The following RAMP2 variants were observed in gnomAD, a reference collection of about 807,000 sequenced individuals.
RAMP2 encodes the protein receptor activity-modifying protein 2.
In RAMP2, 11 loss-of-function variants were observed where a neutral mutation model predicts 18.2. The observed-to-expected ratio is 0.60, with a 90% CI of 0.38 to 1.00. The LOEUF is 1.00. Among genes scored for constraint, RAMP2 ranks in the 50% least tolerant of loss-of-function variants. The pLI, the probability that RAMP2 is intolerant of heterozygous loss-of-function variation, is 0.01. For missense variants in RAMP2, 191 were observed against 226.5 expected (o/e 0.84, Z 1.01); for synonymous variants, 86 against 90.8 (o/e 0.95, Z 0.30).
chr17:42,762,212 C>A, intron 2 of RAMP2, 143 bp from the exon 3 acceptor site: 1 of 1,269,342 alleles, frequency 7.9e-7, no homozygotes, highest in African/African-American at 1.5e-5. Context: ...GGGACTCTGT[C>A]CTCAGCCAGA....
At chr17:42,762,043 G>A in intron 2 of RAMP2, 144 bp downstream of exon 2, 1 of 914,036 alleles carries the variant, frequency 1.1e-6, no homozygotes, top group Non-Finnish European at 1.7e-6. Flanking sequence ...GTTCCTCGTG[G>A]TCTTTCTCCC....
chr17:42,762,945 TC>T lies in RAMP2; in HGVS notation c.*97del. On this transcript the variant is annotated 3_prime_UTR_variant, in exon 4 of 4. Transcript: ENST00000253796. ...CTCCTACTCCCTTTTCTCACTCTCA[TC>T]CCCACCACAGATCCCTGGATTGCTG... 3.0e-6 allele frequency: 4 copies of T among 1,343,506 alleles called. No individual in the cohort carries two copies. Among genetic ancestry groups the T allele is most frequent in the Non-Finnish European group, 3.0e-6 (3 of 991,484 alleles). The allele number at this position is 1,343,506 out of a possible 1,614,324, so 83.2% of individuals were successfully genotyped here. A position where few individuals can be genotyped will look rare whatever the true frequency, so the allele number is the denominator to read the frequency against.
Position 42,761,929 on chromosome 17 carries a change from G to T in RAMP2, c.163+30G>T. The stretch of plus-strand genomic sequence containing the variant: ...GTACCCAGGGTGTGGAAGGGTGGCC[G>T]AGGGTAAGGACGAGAGCAAGTTCAG... On this transcript the variant is annotated intron_variant, in intron 2 of 3. Coordinates refer to ENST00000253796, the MANE Select transcript of RAMP2 (RefSeq NM_005854.3). The surrounding 1 kb of genome is among the most constrained non-coding windows in gnomAD (Gnocchi z 4.2). The T allele has an allele frequency of 2.0e-6, 3 of 1,526,654 alleles. No homozygotes were observed. Among genetic ancestry groups the T allele is most frequent in the Non-Finnish European group, 1.8e-6 (2 of 1,104,404 alleles). The allele number at this position is 1,526,654 out of a possible 1,614,324, so 94.6% of individuals were successfully genotyped here.
chr17:42,762,775 A>G lies in RAMP2; in HGVS notation c.451A>G (p.Ile151Val). The change falls in exon 4 of 4, where the codon ATA (isoleucine) becomes GTA (valine). Residue 151 changes from isoleucine to valine, a missense_variant. Ile to Val is a conservative substitution (Grantham distance 29). Transcript: ENST00000253796. ...PPEDVLLAMI[I>V]APICLIPFLI... is the part of the protein sequence containing the mutation. ...AGAGGATGTACTCCTGGCCATGATCATAGCCCCCATCTGCCTCATCCCCTT... is the reference window on the plus strand; with the variant it reads ...AGAGGATGTACTCCTGGCCATGATCGTAGCCCCCATCTGCCTCATCCCCTT... 1 of 1,614,020 alleles carries G rather than the reference A, an allele frequency of 6.2e-7. No homozygotes were observed.
chr17:42,761,818 C>G lies in RAMP2; in HGVS notation c.98-16C>G. On this transcript the variant is annotated splice_polypyrimidine_tract_variant and intron_variant, in intron 1 of 3. Transcript: ENST00000253796. The surrounding 1 kb of genome is among the most constrained non-coding windows in gnomAD (Gnocchi z 4.2). ...GTCCCCGCTATGTTACCCTCCTCTC[C>G]CGTTTCTTCCCACAGCTGTCCTGAA... 6.4e-7 allele frequency: 1 copy of G among 1,563,152 alleles called. No individual in the cohort carries two copies. The highest frequency in any genetic ancestry group is 2.2e-5 in the East Asian group (1 of 44,592).
At chr17:42,762,299 G>T in intron 2 of RAMP2, 56 bp from the exon 3 acceptor site, 1 of 1,611,502 alleles carries the variant, frequency 6.2e-7, no homozygotes, top group Non-Finnish European at 8.5e-7. Context: ...ACCTGGGCAG[G>T]AGGGTTTGTA....
Position 42,761,830 on chromosome 17 carries a change from A to C in RAMP2, c.98-4A>C. 6 of 1,576,040 alleles carry C rather than the reference A, an allele frequency of 3.8e-6. No individual in the cohort carries two copies. Among genetic ancestry groups the C allele is most frequent in the Non-Finnish European group, 5.2e-6 (6 of 1,145,824 alleles). ...TTACCCTCCTCTCCCGTTTCTTCCC[A>C]CAGCTGTCCTGAATCCCCACGAGGC... On this transcript the variant is annotated splice_region_variant and splice_polypyrimidine_tract_variant and intron_variant, in intron 1 of 3. Coordinates refer to ENST00000253796, the MANE Select transcript of RAMP2 (RefSeq NM_005854.3). The surrounding 1 kb of genome is among the most constrained non-coding windows in gnomAD (Gnocchi z 4.2).
At position 42,762,902 on chromosome 17, in the gene RAMP2, C is replaced by T. The variant is rs1417500229; in HGVS notation, c.*50C>T. ...ATGTTACTCCACTTCCCCACCCCCA[C>T]CAGGCCTCCCTCCTCCCCTCCTACT... is the stretch of plus-strand genomic sequence containing the variant. On this transcript the variant is annotated 3_prime_UTR_variant, in exon 4 of 4. Transcript: ENST00000253796. 4.6e-6 allele frequency: 7 copies of T among 1,514,092 alleles called. No homozygotes were observed. The highest frequency in any genetic ancestry group is 6.3e-6 in the Non-Finnish European group (7 of 1,117,044). 93.8% of individuals were successfully genotyped at this position (1,514,092 alleles called of 1,614,324 possible).
rs1568019717 is a variant in RAMP2 at position 42,761,766 on chromosome 17, A to G, written c.98-68A>G. 1.5e-6 allele frequency: 2 copies of G among 1,370,086 alleles called. No homozygotes were observed. Among genetic ancestry groups the G allele is most frequent in the Non-Finnish European group, 2.1e-6 (2 of 963,588 alleles). 84.9% of individuals were successfully genotyped at this position (1,370,086 alleles called of 1,614,324 possible). A position where few individuals can be genotyped will look rare whatever the true frequency, so the allele number is the denominator to read the frequency against. On this transcript the variant is annotated intron_variant, in intron 1 of 3. Transcript: ENST00000253796. This position sits in a 1 kb window ranked among gnomAD's most constrained non-coding sequence, Gnocchi z 4.2. ...ATTTTCGGAGGGTCTCAGTCCCCCA[A>G]CCCCCCTCGCAGGCTCCACTGCCGG...
chr17:42,762,317 G>GT, intron 2 of RAMP2, 38 bp from the exon 3 acceptor site: 1 of 1,613,708 alleles, frequency 6.2e-7, no homozygotes, highest in Non-Finnish European at 8.5e-7. Flanking sequence ...GTAGGGAGGG[G>GT]TAGGGGTGTG....
rs938791661 is a variant in RAMP2 at position 42,761,693 on chromosome 17, G to A, written c.98-141G>A. Reference sequence around the variant, plus strand: ...CCAGCCCCTCCCTCCCCGGCACTGAGGCGTCCGTGGGGGCTAGATTATTCC... The same window carrying A: ...CCAGCCCCTCCCTCCCCGGCACTGAAGCGTCCGTGGGGGCTAGATTATTCC... On this transcript the variant is annotated intron_variant, in intron 1 of 3. Coordinates refer to ENST00000253796, the MANE Select transcript of RAMP2 (RefSeq NM_005854.3). The surrounding 1 kb of genome is among the most constrained non-coding windows in gnomAD (Gnocchi z 4.2). 5.6e-5 allele frequency: 41 copies of A among 731,982 alleles called. No individual in the cohort carries two copies. The Middle Eastern group carries it at 9.4e-4, about 17-fold the overall frequency. The allele number at this position is 731,982 out of a possible 1,614,324, so 45.3% of individuals were successfully genotyped here. A position where few individuals can be genotyped will look rare whatever the true frequency, so the allele number is the denominator to read the frequency against.
At position 42,761,420 on chromosome 17, in the gene RAMP2, G is replaced by T; in HGVS notation, c.97+62G>T. 1 of 1,218,836 alleles carries T rather than the reference G, an allele frequency of 8.2e-7. No individual in the cohort carries two copies. Among genetic ancestry groups the T allele is most frequent in the African/African-American group, 1.6e-5 (1 of 62,468 alleles). The allele number at this position is 1,218,836 out of a possible 1,614,324, so 75.5% of individuals were successfully genotyped here. On this transcript the variant is annotated intron_variant, in intron 1 of 3. Transcript: ENST00000253796. This position sits in a 1 kb window ranked among gnomAD's most constrained non-coding sequence, Gnocchi z 4.2. The stretch of plus-strand genomic sequence containing the variant: ...GAGAGGCCCCGGAGGGGAGAGGGGA[G>T]AGGGGAGAGGGGCTGGATGGCCGAG...
Position 42,761,319 on chromosome 17 carries a change from G to C in RAMP2, c.58G>C (p.Gly20Arg), listed in dbSNP as rs112384377. ...GGPRLPRTRVGRPAALRLLLL... is the reference protein window; with the variant it reads ...GGPRLPRTRVRRPAALRLLLL... ...CCCGCGTCTCCCTAGGACCCGAGTC[G>C]GGCGGCCGGCAGCGCTCCGCCTCCT... Residue 20 changes from glycine (G) to arginine (R), a missense_variant, in exon 1 of 4, where the codon GGG becomes CGG. Physicochemically the swap from Gly to Arg is moderately radical, Grantham distance 125. Coordinates refer to ENST00000253796, the MANE Select transcript of RAMP2 (RefSeq NM_005854.3). The surrounding 1 kb of genome is among the most constrained non-coding windows in gnomAD (Gnocchi z 4.2). 4.7e-5 allele frequency: 61 copies of C among 1,289,676 alleles called. No homozygotes were observed. Among genetic ancestry groups the C allele is most frequent in the Non-Finnish European group, 5.9e-5 (60 of 1,016,046 alleles). The allele number at this position is 1,289,676 out of a possible 1,614,324, so 79.9% of individuals were successfully genotyped here. A position where few individuals can be genotyped will look rare whatever the true frequency, so the allele number is the denominator to read the frequency against.
At position 42,761,821 on chromosome 17, in the gene RAMP2, T is replaced by G; in HGVS notation, c.98-13T>G. 6.4e-7 allele frequency: 1 copy of G among 1,567,442 alleles called. No individual in the cohort carries two copies. On this transcript the variant is annotated splice_polypyrimidine_tract_variant and intron_variant, in intron 1 of 3. Coordinates refer to ENST00000253796, the MANE Select transcript of RAMP2 (RefSeq NM_005854.3). The surrounding 1 kb of genome is among the most constrained non-coding windows in gnomAD (Gnocchi z 4.2). ...CCCGCTATGTTACCCTCCTCTCCCG[T>G]TTCTTCCCACAGCTGTCCTGAATCC...
intron 3 of RAMP2, 33 bp from the exon 4 acceptor site, chr17:42,762,564 C>T (rs1259310385): frequency 6.2e-7 from 1 of 1,603,446 alleles, no homozygotes. Context: ...TGGGTCCACC[C>T]CCTCTCTCAC....
In RAMP2 at chr17:42,761,463, G is replaced by A; in HGVS notation, c.97+105G>A. On this transcript the variant is annotated intron_variant, in intron 1 of 3. Coordinates refer to ENST00000253796, the MANE Select transcript of RAMP2 (RefSeq NM_005854.3). The surrounding 1 kb of genome is among the most constrained non-coding windows in gnomAD (Gnocchi z 4.2). ...TGGCCGAGGCCGGAACGGGCCCTGG[G>A]GTGCGGGTTAGGACCGACGTACCTA... 9.9e-7 allele frequency: 1 copy of A among 1,012,484 alleles called. No homozygotes were observed. The allele number at this position is 1,012,484 out of a possible 1,614,324, so 62.7% of individuals were successfully genotyped here.
chr17:42,762,801 C>T lies in RAMP2; in HGVS notation c.477C>T (p.Phe159=). 1 of 1,613,698 alleles carries T rather than the reference C, an allele frequency of 6.2e-7. No homozygotes were observed. The highest frequency in any genetic ancestry group is 8.5e-7 in the Non-Finnish European group (1 of 1,179,766). ...TAGCCCCCATCTGCCTCATCCCCTT[C>T]CTCATCACTCTTGTAGTATGGAGGA... ...MIIAPICLIP[F]LITLVVWRSK... is the part of the protein sequence containing the mutation. Residue 159 remains phenylalanine (F), a synonymous_variant, in exon 4 of 4, where the codon TTC becomes TTT. Coordinates refer to ENST00000253796, the MANE Select transcript of RAMP2 (RefSeq NM_005854.3).
Position 42,761,937 on chromosome 17 carries a change from G to C in RAMP2, c.163+38G>C. On this transcript the variant is annotated intron_variant, in intron 2 of 3. Coordinates refer to ENST00000253796, the MANE Select transcript of RAMP2 (RefSeq NM_005854.3). The surrounding 1 kb of genome is among the most constrained non-coding windows in gnomAD (Gnocchi z 4.2). Reference sequence around the variant, plus strand: ...GGTGTGGAAGGGTGGCCGAGGGTAAGGACGAGAGCAAGTTCAGTGGGGAGG... The same window carrying C: ...GGTGTGGAAGGGTGGCCGAGGGTAACGACGAGAGCAAGTTCAGTGGGGAGG... 6.6e-7 allele frequency: 1 copy of C among 1,513,194 alleles called. No homozygotes were observed. Among genetic ancestry groups the C allele is most frequent in the Non-Finnish European group, 9.1e-7 (1 of 1,094,466 alleles). The allele number at this position is 1,513,194 out of a possible 1,614,324, so 93.7% of individuals were successfully genotyped here. A position where few individuals can be genotyped will look rare whatever the true frequency, so the allele number is the denominator to read the frequency against.
Position 42,762,362 on chromosome 17 carries a change from G to A in RAMP2, c.171G>A (p.Thr57=), listed in dbSNP as rs774715590. The change falls in exon 3 of 4, where the codon ACG becomes ACA. Residue 57 remains threonine, a synonymous_variant. Transcript: ENST00000253796. ...TAGCATCTGTACCTACAGGGGGGACGGTGAAGAACTATGAGACAGCTGTCC... is the reference window on the plus strand; with the variant it reads ...TAGCATCTGTACCTACAGGGGGGACAGTGAAGAACTATGAGACAGCTGTCC... ...TTGTPGSEGG[T]VKNYETAVQF... 19 of 1,613,932 alleles carry A rather than the reference G, an allele frequency of 1.2e-5. No individual in the cohort carries two copies. The highest frequency in any genetic ancestry group is 5.3e-5 in the African/African-American group (4 of 74,890).
Sources: gnomAD v4.1 joint callset for allele counts on GRCh38, gnomAD v4.1.1 for gene constraint, Gnocchi (gnomAD v3.1) non-coding constraint, MANE v1.5 for transcripts, NCBI Gene and HGNC (gene_info 2026-07-23, HGNC 2026-07-21) for gene names.